The following PLXDC2 variants were observed in gnomAD, a reference collection of about 807,000 sequenced individuals.
The protein encoded by PLXDC2 is plexin domain-containing protein 2.
Under a neutral mutation model 68.9 loss-of-function variants are expected in PLXDC2, and 40 were observed. The ratio of observed to expected loss-of-function variants is 0.58; its 90% CI spans 0.45 to 0.76. The LOEUF (loss-of-function observed/expected upper bound fraction) is 0.76, where lower values mean the gene tolerates loss of function less well. Ranked by LOEUF, PLXDC2 falls within the 30% of genes least tolerant of loss-of-function variation. The probability of loss-of-function intolerance (pLI) is 0.00; values close to 1 mark genes in which losing one functional copy is unlikely to be tolerated. For missense variants in PLXDC2, 644 were observed against 661.9 expected (o/e 0.97, Z 0.30); for synonymous variants, 243 against 234.2 (o/e 1.04, Z -0.34).
rs1467478742 is a variant in PLXDC2 at position 20,147,853 on chromosome 10, T to C, written c.734T>C (p.Phe245Ser). The C allele has an allele frequency of 6.2e-7, 1 of 1,613,374 alleles. No individual in the cohort carries two copies. Among genetic ancestry groups the C allele is most frequent in the Non-Finnish European group, 8.5e-7 (1 of 1,179,362 alleles). The part of the protein sequence containing the change: ...QDNYNLGSFT[F>S]QATLLMDGRI... ...AATTATAACCTGGGAAGCTTCACAT[T>C]CCAGGCAACCCTGCTCATGGATGGA... The change falls in exon 6 of 14, where the codon TTC becomes TCC. Residue 245 changes from phenylalanine (F) to serine (S), a missense_variant. This residue lies in a region of PLXDC2 where 113 missense variants were observed against 167.1 expected (regional missense o/e 0.68). Transcript: ENST00000377252.
At chr10:19,879,033 G>T (rs1348100210) in intron 1 of PLXDC2, among the ~76,000 whole-genome samples, 1 of 152,144 alleles carries the variant, frequency 6.6e-6, no homozygotes, top group Non-Finnish European at 1.5e-5. Context: ...CCTTACACAG[G>T]TTGGTCTTTA....
intron 1 of PLXDC2, among the ~76,000 whole-genome samples, chr10:19,968,110 A>G (rs1419490408): frequency 6.6e-6 from 1 of 152,212 alleles, no homozygotes; most frequent in Admixed American, 6.5e-5. Context: ...AGTAAGTTGA[A>G]GTTACAAGTA....
intron 9 of PLXDC2, among the ~76,000 whole-genome samples, chr10:20,196,764 A>G (rs774027412): frequency 5.9e-5 from 9 of 152,188 alleles, no homozygotes; most frequent in Non-Finnish European, 1.0e-4. Context: ...ATAACAGACA[A>G]TTGTTGAACA....
In PLXDC2 at chr10:20,020,178, A is replaced by ATTTTT. The variant is rs71388889; in HGVS notation, c.324+18210_324+18214dup. Among the ~76,000 whole-genome samples, 16 of 107,330 alleles carry ATTTTT rather than the reference A, an allele frequency of 1.5e-4. 1 individual carries two copies. Among genetic ancestry groups the ATTTTT allele is most frequent in the East Asian group, 3.1e-4 (1 of 3,276 alleles). 70.4% of individuals were successfully genotyped at this position (107,330 alleles called of 152,430 possible). ...AAACACATGCCACCACACCCAGCAAATTTTTTTTTTTTTTTTTTTTTTGTA... is the reference window on the plus strand; with the variant it reads ...AAACACATGCCACCACACCCAGCAAATTTTTTTTTTTTTTTTTTTTTTTTTTTGTA... On this transcript the variant is annotated intron_variant, in intron 2 of 13. Coordinates refer to ENST00000377252, the MANE Select transcript of PLXDC2 (RefSeq NM_032812.9).
At chr10:19,837,806 T>C (rs1343122380) in intron 1 of PLXDC2, among the ~76,000 whole-genome samples, 2 of 152,200 alleles carry the variant, frequency 1.3e-5, no homozygotes, top group African/African-American at 4.8e-5. Flanking sequence ...TGTCACATGC[T>C]TCCACATAAA....
chr10:20,141,025 T>G (rs1205352918), intron 4 of PLXDC2, among the ~76,000 whole-genome samples: 1 of 152,090 alleles, frequency 6.6e-6, no homozygotes, highest in Admixed American at 6.5e-5. Flanking sequence ...TATTTTAATA[T>G]TCTAGTAATA....
intron 12 of PLXDC2, among the ~76,000 whole-genome samples, chr10:20,223,823 G>A (rs1835250483): frequency 6.6e-6 from 1 of 152,072 alleles, no homozygotes; most frequent in Non-Finnish European, 1.5e-5. Context: ...TTTCAGTGTT[G>A]TCAGAATCCT....
chr10:19,892,256 C>G (rs77226632), intron 1 of PLXDC2, among the ~76,000 whole-genome samples: 6,179 of 152,206 alleles, frequency 0.041, 202 homozygotes, highest in South Asian at 0.13. Context: ...GAGGTCTGTG[C>G]TATTATTATC....
intron 3 of PLXDC2, among the ~76,000 whole-genome samples, chr10:20,067,071 A>C (rs1378547125): frequency 3.3e-5 from 5 of 152,174 alleles, no homozygotes. Flanking sequence ...TAATATATCT[A>C]CTTAATATCA....
In PLXDC2 at chr10:20,191,845, G is replaced by T. The variant is rs186961635; in HGVS notation, c.1061+14436G>T. 1.9e-4 allele frequency among the ~76,000 whole-genome samples: 29 copies of T among 151,946 alleles called. 1 individual carries two copies. The highest frequency in any genetic ancestry group is 1.8e-3 in the Admixed American group (27 of 15,218). ...CAAGTAAATAAATAAAAAATCACAGGGGCTTTGTAAGAAAGGACGGGAGGG... is the reference window on the plus strand; with the variant it reads ...CAAGTAAATAAATAAAAAATCACAGTGGCTTTGTAAGAAAGGACGGGAGGG... On this transcript the variant is annotated intron_variant, in intron 9 of 13. Coordinates refer to ENST00000377252, the MANE Select transcript of PLXDC2 (RefSeq NM_032812.9).
At chr10:20,249,542 G>T (rs1371456514) in intron 13 of PLXDC2, among the ~76,000 whole-genome samples, 1 of 151,960 alleles carries the variant, frequency 6.6e-6, no homozygotes, top group Non-Finnish European at 1.5e-5. Context: ...TCCAACTTCT[G>T]TTCCCACCGT....
At chr10:19,864,894 C>T (rs991529481) in intron 1 of PLXDC2, among the ~76,000 whole-genome samples, 1 of 152,100 alleles carries the variant, frequency 6.6e-6, no homozygotes, top group Admixed American at 6.6e-5. Flanking sequence ...GGGCTTCCTC[C>T]CCTGAGTTTG....
intron 1 of PLXDC2, among the ~76,000 whole-genome samples, chr10:19,848,390 A>C (rs1233067083): frequency 7.9e-5 from 12 of 152,128 alleles, no homozygotes; most frequent in Non-Finnish European, 5.9e-5. Flanking sequence ...GATGCATTGC[A>C]AATTCTTAAA....
intron 3 of PLXDC2, among the ~76,000 whole-genome samples, chr10:20,060,488 TAAAAAAAAAAAAA>T: frequency 7.2e-6 from 1 of 139,108 alleles, no homozygotes; most frequent in East Asian, 2.1e-4. Flanking sequence ...CCTGGAATGT[TAAAAAAAAAAAAA>T]AAAAAAAAAG....
rs371228482 is a variant in PLXDC2 at position 20,019,018 on chromosome 10, G to T, written c.324+17032G>T. 1.4e-4 allele frequency among the ~76,000 whole-genome samples: 22 copies of T among 152,314 alleles called. No homozygotes were observed. The East Asian group carries it at 1.9e-3, about 13-fold the overall frequency. On this transcript the variant is annotated intron_variant, in intron 2 of 13. Transcript: ENST00000377252. Reference sequence around the variant, plus strand: ...AACTTGGCTGGACATGGCAGCTCATGCCTGTGATCCCAGCACTTTGGGAGG... The same window carrying T: ...AACTTGGCTGGACATGGCAGCTCATTCCTGTGATCCCAGCACTTTGGGAGG...
chr10:20,112,062 T>C (rs535775547), intron 4 of PLXDC2, among the ~76,000 whole-genome samples: 7 of 152,238 alleles, frequency 4.6e-5, no homozygotes, highest in African/African-American at 1.7e-4. Context: ...GCATATACCA[T>C]GTGAGGACAC....
At chr10:20,236,759 G>A (rs552975874) in intron 12 of PLXDC2, among the ~76,000 whole-genome samples, 2 of 152,158 alleles carry the variant, frequency 1.3e-5, no homozygotes, top group East Asian at 3.9e-4. Flanking sequence ...CTGGAGTGTG[G>A]TAGTAGGATC....
At chr10:20,149,175 C>T (rs1346041727) in intron 6 of PLXDC2, among the ~76,000 whole-genome samples, 1 of 150,638 alleles carries the variant, frequency 6.6e-6, no homozygotes, top group Non-Finnish European at 1.5e-5. Context: ...ATTTTCTCGC[C>T]CAGGTACTAA....
At chr10:20,066,315 T>C (rs1836210957) in intron 3 of PLXDC2, among the ~76,000 whole-genome samples, 1 of 152,216 alleles carries the variant, frequency 6.6e-6, no homozygotes, top group Admixed American at 6.5e-5. Context: ...TTGCAGTGGC[T>C]GAGAAACTCA....
Sources: allele counts gnomAD v4.1 joint callset (sites outside exome capture counted in the v4.1 genomes callset), GRCh38; gene constraint gnomAD v4.1.1; regional missense constraint gnomAD v4.1.1; transcripts MANE v1.5; gene names NCBI Gene and HGNC (gene_info 2026-07-23, HGNC 2026-07-21).